Variants in TBC1D22A observed in about 807,000 individuals in gnomAD.
TBC1D22A encodes putative GTPase activator.
TBC1D22A carries 38 observed loss-of-function variants against 60.2 expected under a neutral mutation model. That is an observed-to-expected ratio of 0.63 (90% CI 0.49 to 0.83). The LOEUF is 0.83. Among genes scored for constraint, TBC1D22A ranks in the 40% least tolerant of loss-of-function variants. TBC1D22A has a pLI of 0.00. For synonymous variants in TBC1D22A, 302 were observed against 281.7 expected (o/e 1.07, Z -0.72); for missense variants, 628 against 701.0 (o/e 0.90, Z 1.18).
chr22:46,897,639 TG>T (rs376259857), intron 7 of TBC1D22A, among the ~76,000 whole-genome samples: 8,132 of 133,978 alleles, frequency 0.061, 521 homozygotes, highest in African/African-American at 0.14. Flanking sequence ...TGTTTCGTTT[TG>T]TTTTTTTTTG....
chr22:46,826,753 A>G (rs58231947), intron 4 of TBC1D22A, among the ~76,000 whole-genome samples: 2,253 of 152,278 alleles, frequency 0.015, 57 homozygotes, highest in African/African-American at 0.052. Context: ...AGATGAGGAC[A>G]TGAGTTTCAG....
intron 4 of TBC1D22A, among the ~76,000 whole-genome samples, chr22:46,805,097 G>C (rs2085071177): frequency 6.6e-6 from 1 of 152,208 alleles, no homozygotes; most frequent in African/African-American, 2.4e-5. Flanking sequence ...CTCTAAGAGA[G>C]TATGAGTTTG....
intron 1 of TBC1D22A, among the ~76,000 whole-genome samples, chr22:46,788,050 C>T (rs2084240356): frequency 6.6e-6 from 1 of 151,390 alleles, no homozygotes; most frequent in Non-Finnish European, 1.5e-5. Context: ...CATTCTCTTG[C>T]CTCAGCCTCC....
intron 1 of TBC1D22A, among the ~76,000 whole-genome samples, chr22:46,787,687 C>T (rs193145242): frequency 4.6e-5 from 7 of 152,262 alleles, no homozygotes; most frequent in East Asian, 1.9e-4. Context: ...CAGAGATCCA[C>T]GTCTCTTCCA....
chr22:46,897,204 C>T (rs1211148172), intron 7 of TBC1D22A, among the ~76,000 whole-genome samples: 1 of 152,128 alleles, frequency 6.6e-6, no homozygotes, highest in Non-Finnish European at 1.5e-5. Context: ...AATGAAAGCA[C>T]ACTCCACAGG....
At chr22:46,973,007 C>T (rs916364463) in intron 8 of TBC1D22A, among the ~76,000 whole-genome samples, 7 of 152,196 alleles carry the variant, frequency 4.6e-5, no homozygotes, top group African/African-American at 1.4e-4. Context: ...GGGTCAGACA[C>T]GGAGGCGCTC....
In TBC1D22A at chr22:46,797,377, C is replaced by T. The variant is rs540939221; in HGVS notation, c.461-67C>T. ...CAGCATTCACAAAGGGACAGTGGCA[C>T]AGCAAGGAGGAACGTGTAGTCGGGA... On this transcript the variant is annotated intron_variant, in intron 3 of 12. Transcript: ENST00000337137. The T allele has an allele frequency of 2.2e-5, 35 of 1,575,720 alleles. No homozygotes were observed. In the African/African-American group the frequency reaches 2.6e-4, roughly 12 times the overall value.
chr22:46,806,945 G>A (rs1206069932), intron 4 of TBC1D22A, among the ~76,000 whole-genome samples: 1 of 152,242 alleles, frequency 6.6e-6, no homozygotes, highest in Non-Finnish European at 1.5e-5. Flanking sequence ...CCGAGCAAAT[G>A]TGTGCAGAGC....
At chr22:46,933,624 C>CT (rs763091068) in intron 8 of TBC1D22A, among the ~76,000 whole-genome samples, 1 of 147,066 alleles carries the variant, frequency 6.8e-6, no homozygotes, top group East Asian at 1.9e-4. Context: ...GGAGAGACCA[C>CT]TGGGGGGGGG....
At chr22:46,908,296 G>A (rs567775131) in intron 7 of TBC1D22A, among the ~76,000 whole-genome samples, 4 of 152,258 alleles carry the variant, frequency 2.6e-5, no homozygotes, top group East Asian at 1.9e-4. Flanking sequence ...TGGTGATGGC[G>A]TGTGGGGTCC....
intron 8 of TBC1D22A, among the ~76,000 whole-genome samples, chr22:46,933,446 G>C (rs1051599661): frequency 6.6e-6 from 1 of 152,230 alleles, no homozygotes; most frequent in Admixed American, 6.5e-5. Context: ...GAATTGAGGT[G>C]TGTGAAAGTT....
chr22:46,964,832 C>T (rs1364975808), intron 8 of TBC1D22A, among the ~76,000 whole-genome samples: 1 of 152,196 alleles, frequency 6.6e-6, no homozygotes, highest in Non-Finnish European at 1.5e-5. Flanking sequence ...CTGGCAAGGC[C>T]ATGCCTGTTG....
At chr22:46,961,073 C>G (rs136092) in intron 8 of TBC1D22A, among the ~76,000 whole-genome samples, 29,045 of 149,612 alleles carry the variant, frequency 0.19, 3,004 homozygotes, top group East Asian at 0.27. Flanking sequence ...GATACAAACA[C>G]AGATCTTTGA....
chr22:46,901,149 AT>A (rs1361384596), intron 7 of TBC1D22A, among the ~76,000 whole-genome samples: 4 of 152,186 alleles, frequency 2.6e-5, no homozygotes, highest in Non-Finnish European at 5.9e-5. Context: ...GTCATGATGG[AT>A]TTTTAAAAGT....
intron 7 of TBC1D22A, among the ~76,000 whole-genome samples, chr22:46,902,978 G>A (rs1238215344): frequency 4.0e-5 from 6 of 151,758 alleles, no homozygotes; most frequent in Admixed American, 2.0e-4. Context: ...AAGACAGCCC[G>A]AGGAGGGGCA....
At chr22:46,884,551 T>A (rs911331658) in intron 5 of TBC1D22A, among the ~76,000 whole-genome samples, 2 of 152,140 alleles carry the variant, frequency 1.3e-5, no homozygotes, top group African/African-American at 4.8e-5. Context: ...CTGCACAGAC[T>A]GAGAGCAGCG....
At chr22:46,868,463 T>C (rs936797453) in intron 4 of TBC1D22A, among the ~76,000 whole-genome samples, 4 of 152,226 alleles carry the variant, frequency 2.6e-5, no homozygotes, top group African/African-American at 9.6e-5. Context: ...GCAAATATTC[T>C]AAAATCTGGA....
At chr22:47,029,135 A>G (rs752492373) in intron 10 of TBC1D22A, among the ~76,000 whole-genome samples, 3 of 145,952 alleles carry the variant, frequency 2.1e-5, no homozygotes, top group Admixed American at 6.9e-5. Flanking sequence ...GTGGAGAATC[A>G]TGGGACGAAA....
intron 12 of TBC1D22A, among the ~76,000 whole-genome samples, chr22:47,146,589 C>T (rs114752641): frequency 0.022 from 3,332 of 152,344 alleles, 103 homozygotes; most frequent in African/African-American, 0.076. Context: ...TGTAATCATC[C>T]AGAGATAATC....
Sources: allele counts gnomAD v4.1 joint callset (sites outside exome capture counted in the v4.1 genomes callset), GRCh38; gene constraint gnomAD v4.1.1; transcripts MANE v1.5; gene names NCBI Gene and HGNC (gene_info 2026-07-23, HGNC 2026-07-21).